Variants in SDSL observed in about 807,000 individuals in gnomAD.
The protein encoded by SDSL is serine dehydratase-like.
Under a neutral mutation model 27.6 loss-of-function variants are expected in SDSL, and 26 were observed. The ratio of observed to expected loss-of-function variants is 0.94; its 90% CI spans 0.69 to 1.31. The LOEUF is 1.31. Ranked by LOEUF, SDSL falls within the 50% of genes most tolerant of loss-of-function variation. SDSL has a pLI of 0.00. For synonymous variants in SDSL, 196 were observed against 180.6 expected, an observed-to-expected ratio of 1.09 and a Z score of -0.69; for missense variants, 431 against 423.5, an observed-to-expected ratio of 1.02 and a Z score of -0.16.
chr12:113,432,142 C>G (rs945423686), intron 4 of SDSL, among the ~76,000 whole-genome samples: 1 of 151,902 alleles, frequency 6.6e-6, no homozygotes, highest in African/African-American at 2.4e-5. Flanking sequence ...CTTCCTGTCT[C>G]AGCCTCCCAA....
chr12:113,438,054 TG>T lies in SDSL; in HGVS notation c.966del (p.Thr324ProfsTer17). The T allele has an allele frequency of 4.3e-6, 7 of 1,613,980 alleles. No individual in the cohort carries two copies. Among genetic ancestry groups the T allele is most frequent in the Non-Finnish European group, 5.1e-6 (6 of 1,179,950 alleles). Reference sequence around the variant, plus strand: ...ATCAACAGCCGAGAGCTGCAGGCTTTGAAAACCCACCTGGGCCAGGTCTGAG... The same window carrying T: ...ATCAACAGCCGAGAGCTGCAGGCTTTAAAACCCACCTGGGCCAGGTCTGAG... ...NNINSRELQA[L>X]KTHLGQV is the part of the protein sequence containing the mutation. On this transcript the variant is annotated frameshift_variant, in exon 8 of 8. Coordinates refer to ENST00000403593, the MANE Select transcript of SDSL (RefSeq NM_001304993.2). LOFTEE classifies it high-confidence loss of function.
chr12:113,436,350 G>A lies in SDSL; in HGVS notation c.672-401G>A, dbSNP rs547952578. On this transcript the variant is annotated intron_variant, in intron 6 of 7. Coordinates refer to ENST00000403593, the MANE Select transcript of SDSL (RefSeq NM_001304993.2). ...GTTTCCCAGGCTAGAGTGCAATGGC[G>A]CGATCTCAGCTCACTGCAACCTCTA... Among the ~76,000 whole-genome samples, 184 of 151,330 alleles carry A rather than the reference G, an allele frequency of 1.2e-3. 1 individual carries two copies. The highest frequency in any genetic ancestry group is 4.2e-3 in the African/African-American group (174 of 41,132).
At chr12:113,424,041 C>G (rs1351648689) in intron 1 of SDSL, among the ~76,000 whole-genome samples, 1 of 152,158 alleles carries the variant, frequency 6.6e-6, no homozygotes, top group South Asian at 2.1e-4. Context: ...GAGTTTCCCT[C>G]TTACTCTCTA....
chr12:113,425,870 T>C lies in SDSL; in HGVS notation c.-21-2092T>C, dbSNP rs778461452. 183 of 382,544 alleles carry C rather than the reference T, an allele frequency of 4.8e-4. 1 individual carries two copies. The highest frequency in any genetic ancestry group is 1.3e-3 in the Middle Eastern group (2 of 1,560). The allele number at this position is 382,544 out of a possible 1,614,324, so 23.7% of individuals were successfully genotyped here. A position where few individuals can be genotyped will look rare whatever the true frequency, so the allele number is the denominator to read the frequency against. ...CAGGCGTGGTGACGTGTGCCTGTGG[T>C]CCCAGTTACTCGGGAGGCTGAGGCA... On this transcript the variant is annotated intron_variant, in intron 1 of 7. Transcript: ENST00000403593.
At chr12:113,423,329 A>G (rs1249642658) in intron 1 of SDSL, among the ~76,000 whole-genome samples, 2 of 152,232 alleles carry the variant, frequency 1.3e-5, no homozygotes, top group Non-Finnish European at 1.5e-5. Flanking sequence ...GATGCCAAAG[A>G]CACTGCCTGG....
intron 1 of SDSL, chr12:113,425,759 G>A (rs978550865): frequency 5.1e-5 from 23 of 455,270 alleles, no homozygotes; most frequent in African/African-American, 3.8e-4. Flanking sequence ...TCGGGAGGCC[G>A]AGGTGGGCAG....
intron 6 of SDSL, among the ~76,000 whole-genome samples, chr12:113,436,058 C>T (rs989206176): frequency 2.0e-5 from 3 of 152,128 alleles, no homozygotes; most frequent in Admixed American, 2.0e-4. Context: ...GAGTTTGAGG[C>T]TATTGTGTGC....
At position 113,434,129 on chromosome 12, in the gene SDSL, T is replaced by C; in HGVS notation, c.355-5T>C. ...CTGTTCTGAGGGCCCTTGGTTTCTCTGTAGGTCTGGGACGAGGCCAATCTG... is the reference window on the plus strand; with the variant it reads ...CTGTTCTGAGGGCCCTTGGTTTCTCCGTAGGTCTGGGACGAGGCCAATCTG... On this transcript the variant is annotated splice_region_variant and splice_polypyrimidine_tract_variant and intron_variant, in intron 4 of 7. Coordinates refer to ENST00000403593, the MANE Select transcript of SDSL (RefSeq NM_001304993.2). The C allele has an allele frequency of 1.2e-6, 2 of 1,612,746 alleles. No homozygotes were observed. The highest frequency in any genetic ancestry group is 1.7e-6 in the Non-Finnish European group (2 of 1,179,314).
rs1471933206 is a variant in SDSL, at chr12:113,433,216, A to C, written c.355-918A>C. On this transcript the variant is annotated intron_variant, in intron 4 of 7. Transcript: ENST00000403593. Reference sequence around the variant, plus strand: ...GGGAAATTCCTTGCAGTCAGAGACCATTTCTTGGCTTCTCTCCTGCTGAAG... The same window carrying C: ...GGGAAATTCCTTGCAGTCAGAGACCCTTTCTTGGCTTCTCTCCTGCTGAAG... Among the ~76,000 whole-genome samples the C allele has an allele frequency of 2.0e-5, 3 of 152,156 alleles. No homozygotes were observed. In the South Asian group the frequency reaches 6.2e-4, roughly 31 times the overall value.
At chr12:113,429,764 T>C (rs1440459502) in intron 4 of SDSL, among the ~76,000 whole-genome samples, 2 of 152,108 alleles carry the variant, frequency 1.3e-5, no homozygotes, top group African/African-American at 4.8e-5. Context: ...AAAATCTGTC[T>C]TTCCTTCTGT....
At position 113,432,280 on chromosome 12, in the gene SDSL, CTTTCTTTCTT is replaced by C. The variant is rs1207842776; in HGVS notation, c.355-1852_355-1843del. On this transcript the variant is annotated intron_variant, in intron 4 of 7. Transcript: ENST00000403593. ...TCTTTCTTTCTTTCTTTCTTTCTTT[CTTTCTTTCTT>C]TCTCTCTCTCTCTTTCTGTCTCTCT... Among the ~76,000 whole-genome samples, 335 of 129,306 alleles carry C rather than the reference CTTTCTTTCTT, an allele frequency of 2.6e-3. 5 individuals carry two copies. The highest frequency in any genetic ancestry group is 8.7e-3 in the African/African-American group (290 of 33,494). The allele number at this position is 129,306 out of a possible 152,430, so 84.8% of individuals were successfully genotyped here. A position where few individuals can be genotyped will look rare whatever the true frequency, so the allele number is the denominator to read the frequency against.
chr12:113,428,398 A>G (rs1957877269), intron 2 of SDSL, 22 bp from the exon 3 acceptor site: 1 of 1,608,944 alleles, frequency 6.2e-7, no homozygotes, highest in Non-Finnish European at 8.5e-7. Context: ...TTAGCCGCTA[A>G]CCCCATTCCT....
rs756545094 is a variant in SDSL at position 113,435,569 on chromosome 12, T to C, written c.671+13T>C. ...CAGACATCACCAGGTGGGTAAGGGC[T>C]GGGGACATTTGTAGGGGCTGGAGGG... On this transcript the variant is annotated intron_variant, in intron 6 of 7. Coordinates refer to ENST00000403593, the MANE Select transcript of SDSL (RefSeq NM_001304993.2). The C allele has an allele frequency of 6.2e-7, 1 of 1,606,376 alleles. No homozygotes were observed. Among genetic ancestry groups the C allele is most frequent in the Non-Finnish European group, 8.5e-7 (1 of 1,174,686 alleles).
chr12:113,429,402 G>A, intron 4 of SDSL, 103 bp downstream of exon 4: 9 of 1,291,400 alleles, frequency 7.0e-6, no homozygotes, highest in Non-Finnish European at 9.7e-6. Context: ...ATGAGCTGTG[G>A]CTGGGACCCA....
chr12:113,438,090 C>A lies in SDSL; in HGVS notation c.*11C>A. 6.2e-7 allele frequency: 1 copy of A among 1,608,578 alleles called. No homozygotes were observed. ...CTGGGCCAGGTCTGAGGGGTCCCATCCTGGCCCCAAAGACCCCTGAGAGGC... is the reference window on the plus strand; with the variant it reads ...CTGGGCCAGGTCTGAGGGGTCCCATACTGGCCCCAAAGACCCCTGAGAGGC... On this transcript the variant is annotated 3_prime_UTR_variant, in exon 8 of 8. Transcript: ENST00000403593.
chr12:113,433,991 G>C (rs1376295203), intron 4 of SDSL, 143 bp from the exon 5 acceptor site: 4 of 588,054 alleles, frequency 6.8e-6, no homozygotes, highest in African/African-American at 3.7e-5. Context: ...AGGCCTCTGG[G>C]CCCACACCAG....
At position 113,428,008 on chromosome 12, in the gene SDSL, C is replaced by T. The variant is rs1183737336; in HGVS notation, c.26C>T (p.Ala9Val). 1.2e-6 allele frequency: 2 copies of T among 1,613,022 alleles called. No homozygotes were observed. Among genetic ancestry groups the T allele is most frequent in the South Asian group, 1.1e-5 (1 of 90,776 alleles). MDGPVAEH[A>V]KQEPFHVVTP... ...ATGGACGGCCCTGTGGCAGAGCATG[C>T]CAAGCAGGAGCCCTTTCACGTGGTC... The change falls in exon 2 of 8, where the codon GCC (alanine) becomes GTC (valine). Residue 9 changes from alanine (A) to valine (V), a missense_variant. Physicochemically the swap from Ala to Val is moderately conservative, Grantham distance 64. Coordinates refer to ENST00000403593, the MANE Select transcript of SDSL (RefSeq NM_001304993.2).
intron 4 of SDSL, among the ~76,000 whole-genome samples, chr12:113,432,240 CTTTCTTTCTTTCTTTCTTTCTTTCTTT>C (rs1957934057): frequency 3.0e-5 from 4 of 131,964 alleles, no homozygotes; most frequent in African/African-American, 9.1e-5. Flanking sequence ...TTCTTTCTTT[CTTTCTTTCTTTCTTTCTTTCTTTCTTT>C]CTTTCTTTCT....
In SDSL at chr12:113,435,429, G is replaced by T; in HGVS notation, c.544G>T (p.Val182Leu). 1 of 1,613,730 alleles carries T rather than the reference G, an allele frequency of 6.2e-7. No homozygotes were observed. Among genetic ancestry groups the T allele is most frequent in the South Asian group, 1.1e-5 (1 of 91,040 alleles). ...AVGGGGLLAG[V>L]VAGLLEVGWQ... ...TGGGGGTGGGGGTCTCCTGGCCGGG[G>T]TGGTGGCTGGCCTGCTGGAGGTGGG... The change falls in exon 6 of 8, where the codon GTG becomes TTG. Residue 182 changes from valine (V) to leucine (L), a missense_variant. By Grantham distance (32) the Val-to-Leu change is conservative (BLOSUM62 1). Transcript: ENST00000403593.
Sources: gnomAD v4.1 joint callset for allele counts (sites outside exome capture counted in the v4.1 genomes callset) on GRCh38, gnomAD v4.1.1 for gene constraint, MANE v1.5 for transcripts, NCBI Gene and HGNC (gene_info 2026-07-23, HGNC 2026-07-21) for gene names.